The following SLC35F3 variants were observed in gnomAD, a reference collection of about 807,000 sequenced individuals.
SLC35F3 encodes the protein putative thiamine transporter SLC35F3.
A neutral mutation model predicts 49.9 loss-of-function variants in SLC35F3; 25 were observed. The observed-to-expected ratio is 0.50, with a 90% CI of 0.37 to 0.70. The LOEUF (loss-of-function observed/expected upper bound fraction) is 0.70. Among genes scored for constraint, SLC35F3 ranks in the 30% least tolerant of loss-of-function variants. SLC35F3 has a pLI of 0.00. For missense variants in SLC35F3, 525 were observed against 639.8 expected (o/e 0.82, Z 1.94); for synonymous variants, 275 against 265.4 (o/e 1.04, Z -0.35).
intron 2 of SLC35F3, among the ~76,000 whole-genome samples, chr1:233,909,703 G>A (rs1048924085): frequency 1.3e-5 from 2 of 152,190 alleles, no homozygotes; most frequent in African/African-American, 4.8e-5. Flanking sequence ...GAGCTGTCAT[G>A]TACATTGTAG....
chr1:234,273,064 A>G (rs564625841), intron 3 of SLC35F3, among the ~76,000 whole-genome samples: 85 of 152,214 alleles, frequency 5.6e-4, no homozygotes, highest in African/African-American at 1.8e-3. Context: ...TCCCTAATCC[A>G]TTATTGAATC....
At chr1:234,023,660 G>A (rs1393035743) in intron 2 of SLC35F3, among the ~76,000 whole-genome samples, 1 of 152,104 alleles carries the variant, frequency 6.6e-6, no homozygotes, top group African/African-American at 2.4e-5. Flanking sequence ...TAACTTAACA[G>A]TGGAGAAACC....
At chr1:233,958,268 A>C (rs1473473344) in intron 2 of SLC35F3, among the ~76,000 whole-genome samples, 1 of 152,228 alleles carries the variant, frequency 6.6e-6, no homozygotes, top group East Asian at 1.9e-4. Flanking sequence ...AGGTCTGATC[A>C]CTGTCTTCTG....
At chr1:234,221,215 A>T (rs557523142) in intron 2 of SLC35F3, among the ~76,000 whole-genome samples, 5 of 152,194 alleles carry the variant, frequency 3.3e-5, no homozygotes, top group African/African-American at 9.6e-5. Flanking sequence ...GCATTACTGG[A>T]TACTTGGTTG....
At chr1:234,189,801 C>T (rs976059277) in intron 2 of SLC35F3, among the ~76,000 whole-genome samples, 1 of 152,106 alleles carries the variant, frequency 6.6e-6, no homozygotes, top group Non-Finnish European at 1.5e-5. Flanking sequence ...AGGAAAGAAT[C>T]GTAAGAGCTG....
At chr1:234,168,515 G>A (rs1666351203) in intron 2 of SLC35F3, among the ~76,000 whole-genome samples, 1 of 152,254 alleles carries the variant, frequency 6.6e-6, no homozygotes, top group Non-Finnish European at 1.5e-5. Context: ...GCAGCAGAGT[G>A]CCTCTCCGGG....
In SLC35F3 at chr1:234,108,363, T is replaced by A. The variant is rs1226729044; in HGVS notation, c.284-123054T>A. 1.2e-3 allele frequency among the ~76,000 whole-genome samples: 126 copies of A among 104,166 alleles called. 2 individuals carry two copies. The highest frequency in any genetic ancestry group is 2.1e-3 in the Non-Finnish European group (111 of 53,754). 68.3% of individuals were successfully genotyped at this position (104,166 alleles called of 152,430 possible). On this transcript the variant is annotated intron_variant, in intron 2 of 7. Transcript: ENST00000366618. The stretch of plus-strand genomic sequence containing the variant: ...TATAAAAGATATATATTTATATATA[T>A]GATATATATTATTTATATATATAAA...
intron 2 of SLC35F3, among the ~76,000 whole-genome samples, chr1:234,184,346 T>G (rs930827610): frequency 6.6e-6 from 1 of 152,186 alleles, no homozygotes; most frequent in African/African-American, 2.4e-5. Context: ...GTTTTCAGTA[T>G]TCAAACTATT....
chr1:234,034,457 C>T (rs1664109948), intron 2 of SLC35F3, among the ~76,000 whole-genome samples: 1 of 152,172 alleles, frequency 6.6e-6, no homozygotes, highest in African/African-American at 2.4e-5. Flanking sequence ...TTTCCCCATT[C>T]AGTATAAAGT....
intron 2 of SLC35F3, among the ~76,000 whole-genome samples, chr1:233,933,901 C>T (rs1368432189): frequency 6.6e-6 from 1 of 152,116 alleles, no homozygotes; most frequent in Admixed American, 6.5e-5. Context: ...GAGAGTGTCC[C>T]AGGAAGGATG....
chr1:234,092,671 C>T (rs1665061630), intron 2 of SLC35F3, among the ~76,000 whole-genome samples: 1 of 151,960 alleles, frequency 6.6e-6, no homozygotes, highest in South Asian at 2.1e-4. Context: ...AATTTGAGAC[C>T]AGCTTGGACA....
chr1:234,262,925 C>A (rs1159549708), intron 3 of SLC35F3, among the ~76,000 whole-genome samples: 1 of 152,168 alleles, frequency 6.6e-6, no homozygotes, highest in African/African-American at 2.4e-5. Flanking sequence ...ATGGACTTGG[C>A]CTTGGAACAA....
chr1:233,991,220 A>AGAAAGGGAAAGTGGGAGGGCAGCCTGTCT (rs1663349669), intron 2 of SLC35F3, among the ~76,000 whole-genome samples: 1 of 152,194 alleles, frequency 6.6e-6, no homozygotes, highest in Non-Finnish European at 1.5e-5. Context: ...GAGTGAAGAC[A>AGAAAGGGAAAGTGGGAGGGCAGCCTGTCT]GAAAGGGAAA....
At chr1:234,248,481 T>C (rs112226430) in intron 3 of SLC35F3, among the ~76,000 whole-genome samples, 7 of 145,160 alleles carry the variant, frequency 4.8e-5, no homozygotes, top group Non-Finnish European at 9.4e-5. Flanking sequence ...GCTGGTGCAT[T>C]GTTTGGTGGG....
intron 2 of SLC35F3, among the ~76,000 whole-genome samples, chr1:234,081,311 A>G (rs899070757): frequency 6.6e-6 from 1 of 152,250 alleles, no homozygotes; most frequent in Non-Finnish European, 1.5e-5. Flanking sequence ...CACGCAACTC[A>G]TGAAAGCATG....
At position 234,231,390 on chromosome 1, in the gene SLC35F3, C is replaced by T. The variant is rs970776730; in HGVS notation, c.284-27C>T. ...TGCAGGGGTGAAGGTCTGCAGGCCCCGCTAACCACGCCCTTCTCTTCCCCA... is the reference window on the plus strand; with the variant it reads ...TGCAGGGGTGAAGGTCTGCAGGCCCTGCTAACCACGCCCTTCTCTTCCCCA... On this transcript the variant is annotated intron_variant, in intron 2 of 7. Transcript: ENST00000366618. This position sits in a 1 kb window ranked among gnomAD's most constrained non-coding sequence, Gnocchi z 5.4. 7.4e-6 allele frequency: 11 copies of T among 1,476,568 alleles called. No homozygotes were observed. Among genetic ancestry groups the T allele is most frequent in the South Asian group, 5.5e-5 (4 of 72,518 alleles). 91.5% of individuals were successfully genotyped at this position (1,476,568 alleles called of 1,614,324 possible).
At chr1:234,042,573 C>G (rs188966164) in intron 2 of SLC35F3, among the ~76,000 whole-genome samples, 2 of 152,156 alleles carry the variant, frequency 1.3e-5, no homozygotes, top group East Asian at 3.9e-4. Flanking sequence ...ATGCATCTGT[C>G]TTTTTTGATA....
chr1:233,920,831 T>G (rs1278700107), intron 2 of SLC35F3, among the ~76,000 whole-genome samples: 1 of 152,118 alleles, frequency 6.6e-6, no homozygotes, highest in Non-Finnish European at 1.5e-5. Flanking sequence ...GAGGGCAGCC[T>G]CTGACCAAGA....
intron 2 of SLC35F3, among the ~76,000 whole-genome samples, chr1:233,955,760 G>A (rs184928357): frequency 6.3e-4 from 83 of 132,550 alleles, no homozygotes; most frequent in East Asian, 6.0e-3. Flanking sequence ...AAAATCTCAC[G>A]AACTGTTTTT....
Sources: allele counts gnomAD v4.1 joint callset (sites outside exome capture counted in the v4.1 genomes callset), GRCh38; gene constraint gnomAD v4.1.1; non-coding constraint Gnocchi (gnomAD v3.1); transcripts MANE v1.5; gene names NCBI Gene and HGNC (gene_info 2026-07-23, HGNC 2026-07-21).